The following SDF4 variants were observed in gnomAD, a reference collection of about 807,000 sequenced individuals.
SDF4 encodes stromal cell derived factor 4.
Under a neutral mutation model 34.2 loss-of-function variants are expected in SDF4, and 22 were observed. That is an observed-to-expected ratio of 0.64 (90% confidence interval 0.46 to 0.92). The LOEUF (loss-of-function observed/expected upper bound fraction) is 0.92, where lower values mean the gene tolerates loss of function less well. Among genes scored for constraint, SDF4 ranks in the 40% least tolerant of loss-of-function variants. The pLI is 0.00. For synonymous variants in SDF4, 236 were observed against 203.1 expected (o/e 1.16, Z -1.38); for missense variants, 447 against 499.9 (o/e 0.89, Z 1.01).
rs193061608 is a variant in SDF4 at position 1,226,583 on chromosome 1, G to A, written c.305+1885C>T. ...GTGAACGTGGGTCCTGGAGGGACGGGGCCCTACGCAGGAGAAGGGCGAGAA... is the reference window on the plus strand; with the variant it reads ...GTGAACGTGGGTCCTGGAGGGACGGAGCCCTACGCAGGAGAAGGGCGAGAA... On this transcript the variant is annotated intron_variant, in intron 2 of 6. Coordinates refer to ENST00000360001, the MANE Select transcript of SDF4 (RefSeq NM_016176.6). Among the ~76,000 whole-genome samples, 560 of 152,286 alleles carry A rather than the reference G, an allele frequency of 3.7e-3. 1 individual carries two copies. Among genetic ancestry groups the A allele is most frequent in the Non-Finnish European group, 6.2e-3 (420 of 68,012 alleles).
At chr1:1,222,228 C>T (rs1019758247) in intron 4 of SDF4, among the ~76,000 whole-genome samples, 1 of 152,366 alleles carries the variant, frequency 6.6e-6, no homozygotes, top group East Asian at 1.9e-4. Flanking sequence ...GCACACGGAG[C>T]CCCAGGGTGG....
intron 2 of SDF4, among the ~76,000 whole-genome samples, chr1:1,225,024 G>A (rs1452076866): frequency 6.6e-6 from 1 of 152,240 alleles, no homozygotes; most frequent in Admixed American, 6.5e-5. Flanking sequence ...ACAGACTTGG[G>A]GGATAGGGAC....
intron 1 of SDF4, among the ~76,000 whole-genome samples, chr1:1,229,537 A>G (rs1177585277): frequency 2.0e-5 from 3 of 152,068 alleles, no homozygotes; most frequent in Admixed American, 1.3e-4. Flanking sequence ...CTGAGTTTTC[A>G]GCCCTGTCTC....
At chr1:1,229,161 G>C (rs1368533104) in intron 1 of SDF4, among the ~76,000 whole-genome samples, 1 of 152,104 alleles carries the variant, frequency 6.6e-6, no homozygotes, top group Non-Finnish European at 1.5e-5. Context: ...ACCACACGTG[G>C]CATTTGTTTT....
chr1:1,221,153 G>C (rs1340011434), intron 4 of SDF4: 1 of 217,894 alleles, frequency 4.6e-6, no homozygotes, highest in African/African-American at 2.3e-5. Flanking sequence ...CCAGATAAGA[G>C]TACGTGAACT....
In SDF4 at chr1:1,228,901, C is replaced by G; in HGVS notation, c.-129G>C. On this transcript the variant is annotated 5_prime_UTR_variant, in exon 2 of 7. Coordinates refer to ENST00000360001, the MANE Select transcript of SDF4 (RefSeq NM_016176.6). ...CAATCCCCGGGCACCACGGAGGGCT[C>G]TGTGTCCCCAGGACGGCCGCAGGAT... 3 of 844,918 alleles carry G rather than the reference C, an allele frequency of 3.6e-6. No homozygotes were observed. The highest frequency in any genetic ancestry group is 1.8e-6 in the Non-Finnish European group (1 of 552,794). The allele number at this position is 844,918 out of a possible 1,614,324, so 52.3% of individuals were successfully genotyped here. A position where few individuals can be genotyped will look rare whatever the true frequency, so the allele number is the denominator to read the frequency against.
Position 1,217,620 on chromosome 1 carries a change from G to C in SDF4, c.960C>G (p.Asp320Glu). The change falls in exon 7 of 7, where the codon GAC becomes GAG. Residue 320 changes from aspartate (D) to glutamate (E), a missense_variant. Asp to Glu is a conservative substitution (Grantham distance 45). Transcript: ENST00000360001. This position sits in a 1 kb window ranked among gnomAD's most constrained non-coding sequence, Gnocchi z 8.5. The part of the protein sequence containing the change: ...NEAKQMIAVA[D>E]ENQNHHLEPE... Reference sequence around the variant, plus strand: ...GCTCCAGGTGGTGGTTCTGGTTCTCGTCGGCGACGGCGATCATCTGCTTGG... The same window carrying C: ...GCTCCAGGTGGTGGTTCTGGTTCTCCTCGGCGACGGCGATCATCTGCTTGG... The C allele has an allele frequency of 1.2e-6, 2 of 1,613,808 alleles. No homozygotes were observed. Among genetic ancestry groups the C allele is most frequent in the Non-Finnish European group, 1.7e-6 (2 of 1,179,952 alleles).
intron 2 of SDF4, among the ~76,000 whole-genome samples, chr1:1,226,945 C>T (rs1173764361): frequency 1.3e-5 from 2 of 152,166 alleles, no homozygotes; most frequent in African/African-American, 2.4e-5. Context: ...GGGGCACCAG[C>T]AGCCTCTTCG....
intron 2 of SDF4, among the ~76,000 whole-genome samples, chr1:1,228,060 C>G (rs966785421): frequency 6.6e-6 from 1 of 152,260 alleles, no homozygotes; most frequent in African/African-American, 2.4e-5. Context: ...TACCAGCTCT[C>G]CAGCCACCTG....
At position 1,230,920 on chromosome 1, in the gene SDF4, G is replaced by C. The variant is rs145762416; in HGVS notation, c.-175+972C>G. Among the ~76,000 whole-genome samples the C allele has an allele frequency of 9.0e-3, 1,370 of 152,348 alleles. 17 individuals are homozygous for C. The highest frequency in any genetic ancestry group is 0.014 in the Non-Finnish European group (961 of 68,036). ...ACTACAGTCGTAAAACACACGCTGT[G>C]TGCAAAGAGACTGTACTTTGTTCCT... On this transcript the variant is annotated intron_variant, in intron 1 of 6. Coordinates refer to ENST00000360001, the MANE Select transcript of SDF4 (RefSeq NM_016176.6).
At position 1,228,589 on chromosome 1, in the gene SDF4, T is replaced by A; in HGVS notation, c.184A>T (p.Met62Leu). The A allele has an allele frequency of 1.2e-6, 2 of 1,613,158 alleles. No homozygotes were observed. The highest frequency in any genetic ancestry group is 1.7e-6 in the Non-Finnish European group (2 of 1,179,994). Residue 62 changes from methionine (M) to leucine (L), a missense_variant, in exon 2 of 7, where the codon ATG becomes TTG. Transcript: ENST00000360001. The stretch of plus-strand genomic sequence containing the variant: ...AAGCCGCGATTGAGGTGCCCGTCCA[T>A]CTCCAGCTTCACCCCGTTCAGGTGG... The part of the protein sequence containing the change: ...PDHLNGVKLE[M>L]DGHLNRGFHQ...
Position 1,218,636 on chromosome 1 carries a change from G to A in SDF4, c.716-3C>T, listed in dbSNP as rs1414736992. 5 of 1,613,756 alleles carry A rather than the reference G, an allele frequency of 3.1e-6. No homozygotes were observed. The South Asian group carries it at 5.5e-5, about 18-fold the overall frequency. ...GAGCTGCTTGTCACCGTCCTGGTCT[G>A]CGAGACGGGAATGGGTCAGCCCACA... On this transcript the variant is annotated splice_polypyrimidine_tract_variant and splice_region_variant and intron_variant, in intron 5 of 6. Transcript: ENST00000360001. The surrounding 1 kb of genome is among the most constrained non-coding windows in gnomAD (Gnocchi z 7.9).
At chr1:1,230,106 C>T (rs1638446453) in intron 1 of SDF4, among the ~76,000 whole-genome samples, 2 of 152,258 alleles carry the variant, frequency 1.3e-5, no homozygotes, top group Admixed American at 6.5e-5. Context: ...CACGAGCCTA[C>T]TCCTTTCACA....
chr1:1,226,106 GA>G, intron 2 of SDF4, among the ~76,000 whole-genome samples: 1 of 152,244 alleles, frequency 6.6e-6, no homozygotes. Context: ...CCAGTGCCCA[GA>G]CCCTGGCTTC....
chr1:1,226,519 G>A (rs1030093330), intron 2 of SDF4, among the ~76,000 whole-genome samples: 22 of 152,224 alleles, frequency 1.4e-4, no homozygotes, highest in African/African-American at 4.8e-4. Context: ...CTGAGACACC[G>A]TTCCAGCCCA....
chr1:1,228,508 G>A lies in SDF4; in HGVS notation c.265C>T (p.Pro89Ser). 6.2e-7 allele frequency: 1 copy of A among 1,610,476 alleles called. No homozygotes were observed. ...DLGGFDEDAE[P>S]RRSRRKLMVI... The stretch of plus-strand genomic sequence containing the variant: ...ATCAGCTTCCTCCGGCTCCGCCGCG[G>A]CTCCGCGTCCTCATCAAAGCCACCC... The change falls in exon 2 of 7, where the codon CCG (proline) becomes TCG (serine). Residue 89 changes from proline to serine, a missense_variant. Physicochemically the swap from Pro to Ser is moderately conservative, Grantham distance 74. Transcript: ENST00000360001.
In SDF4 at chr1:1,218,658, C is replaced by A; in HGVS notation, c.716-25G>T. ...TCTGCGAGACGGGAATGGGTCAGCCCACACCCAGGCTGGGGCTCCCGCAGG... is the reference window on the plus strand; with the variant it reads ...TCTGCGAGACGGGAATGGGTCAGCCAACACCCAGGCTGGGGCTCCCGCAGG... On this transcript the variant is annotated intron_variant, in intron 5 of 6. Coordinates refer to ENST00000360001, the MANE Select transcript of SDF4 (RefSeq NM_016176.6). The surrounding 1 kb of genome is among the most constrained non-coding windows in gnomAD (Gnocchi z 7.9). The A allele has an allele frequency of 6.2e-7, 1 of 1,613,144 alleles. No homozygotes were observed. The highest frequency in any genetic ancestry group is 1.1e-5 in the South Asian group (1 of 91,068).
intron 1 of SDF4, among the ~76,000 whole-genome samples, chr1:1,229,746 T>C (rs1446359612): frequency 1.3e-5 from 2 of 152,172 alleles, no homozygotes; most frequent in Non-Finnish European, 2.9e-5. Context: ...AGCTAAGTCA[T>C]GTGGCCTCCC....
intron 4 of SDF4, chr1:1,220,543 G>T (rs892964557): frequency 4.8e-6 from 6 of 1,249,588 alleles, no homozygotes; most frequent in Non-Finnish European, 3.1e-6. Context: ...AGGTCGGGGG[G>T]TCCTAGGCAC....
Sources: gnomAD v4.1 joint callset for allele counts (sites outside exome capture counted in the v4.1 genomes callset) on GRCh38, gnomAD v4.1.1 for gene constraint, Gnocchi (gnomAD v3.1) non-coding constraint, MANE v1.5 for transcripts, NCBI Gene and HGNC (gene_info 2026-07-23, HGNC 2026-07-21) for gene names.